RAD17: variants seen among roughly 807,000 people sequenced by gnomAD.
RAD17 encodes the protein cell cycle checkpoint protein RAD17.
Under a neutral mutation model 81.5 loss-of-function variants are expected in RAD17, and 31 were observed. The observed-to-expected ratio is 0.38, with a 90% CI of 0.29 to 0.51. The LOEUF (loss-of-function observed/expected upper bound fraction) is 0.51, where lower values mean the gene tolerates loss of function less well. Ranked by LOEUF, RAD17 falls within the 20% of genes least tolerant of loss-of-function variation. RAD17 has a pLI of 0.88. For missense variants in RAD17, 681 were observed against 781.2 expected (o/e 0.87, Z 1.53); for synonymous variants, 261 against 266.2 (o/e 0.98, Z 0.19).
At chr5:69,399,755 C>T (rs1765139057) in intron 16 of RAD17, among the ~76,000 whole-genome samples, 1 of 152,072 alleles carries the variant, frequency 6.6e-6, no homozygotes, top group Non-Finnish European at 1.5e-5. Context: ...TGTGTGTGCT[C>T]ATAAACAATT....
chr5:69,374,221 A>AT (rs1763200109), intron 5 of RAD17, 134 bp downstream of exon 5: 7 of 772,780 alleles, frequency 9.1e-6, no homozygotes, highest in African/African-American at 3.6e-5. Context: ...AAAATTCTGG[A>AT]TTTTTTTATT....
At chr5:69,391,095 G>A (rs902349012) in intron 12 of RAD17, among the ~76,000 whole-genome samples, 7 of 151,734 alleles carry the variant, frequency 4.6e-5, no homozygotes, top group East Asian at 1.9e-4. Context: ...AAATTTAGCC[G>A]GGCATACACC....
chr5:69,377,465 A>G (rs1225839706), intron 6 of RAD17, among the ~76,000 whole-genome samples: 4 of 6,244 alleles, frequency 6.4e-4, no homozygotes, highest in African/African-American at 8.9e-4. Flanking sequence ...ATATATATAT[A>G]TATATATATA....
At chr5:69,404,489 C>T (rs992010052) in intron 17 of RAD17, among the ~76,000 whole-genome samples, 2 of 151,320 alleles carry the variant, frequency 1.3e-5, no homozygotes, top group Admixed American at 6.6e-5. Context: ...TAAAATTGGC[C>T]GGGCACGGTG....
chr5:69,392,500 C>T (rs1396342868), intron 13 of RAD17, among the ~76,000 whole-genome samples: 2 of 152,128 alleles, frequency 1.3e-5, no homozygotes, highest in Admixed American at 6.6e-5. Context: ...TCTTTCACTC[C>T]CTATTGCCCA....
chr5:69,410,157 T>G (rs1765876994), intron 17 of RAD17, among the ~76,000 whole-genome samples: 1 of 152,236 alleles, frequency 6.6e-6, no homozygotes, highest in South Asian at 2.1e-4. Context: ...TTAATTATTT[T>G]GGGTATATAC....
At chr5:69,387,169 C>T in intron 11 of RAD17, among the ~76,000 whole-genome samples, 1 of 152,094 alleles carries the variant, frequency 6.6e-6, no homozygotes, top group Non-Finnish European at 1.5e-5. Context: ...AGTGATCCTC[C>T]CTCCTCGGCC....
chr5:69,401,991 A>G (rs1279754368), intron 17 of RAD17, among the ~76,000 whole-genome samples: 5 of 126,940 alleles, frequency 3.9e-5, no homozygotes, highest in South Asian at 3.1e-4. Context: ...GCAACAGAGC[A>G]AGACTCTGTC....
rs1185569975 is a variant in RAD17, at chr5:69,385,059, A to C, written c.645+126A>C. ...ATTGCAAGCTCTGCCTCCCAGGTTC[A>C]CGCCATTCTCCTGCCTCAGCCTCCG... is the stretch of plus-strand genomic sequence containing the variant. On this transcript the variant is annotated intron_variant, in intron 8 of 18. Transcript: ENST00000354868. 4 of 804,626 alleles carry C rather than the reference A, an allele frequency of 5.0e-6. No individual in the cohort carries two copies. In the South Asian group the frequency reaches 8.1e-5, roughly 16 times the overall value. The allele number at this position is 804,626 out of a possible 1,614,324, so 49.8% of individuals were successfully genotyped here. A position where few individuals can be genotyped will look rare whatever the true frequency, so the allele number is the denominator to read the frequency against.
intron 15 of RAD17, among the ~76,000 whole-genome samples, chr5:69,395,593 C>G (rs1240693462): frequency 1.3e-5 from 2 of 151,974 alleles, no homozygotes; most frequent in Non-Finnish European, 2.9e-5. Flanking sequence ...AATGGATACC[C>G]CATTTAACTT....
Position 69,372,996 on chromosome 5 carries a change from A to G in RAD17, c.9+779A>G, listed in dbSNP as rs576288533. Among the ~76,000 whole-genome samples, 7 of 152,318 alleles carry G rather than the reference A, an allele frequency of 4.6e-5. No homozygotes were observed. In the South Asian group the frequency reaches 1.2e-3, roughly 27 times the overall value. On this transcript the variant is annotated intron_variant, in intron 4 of 18. Coordinates refer to ENST00000354868, the MANE Select transcript of RAD17 (RefSeq NM_133338.3). ...ATTAGTTGCTTCATACACTGAAGAA[A>G]AATATAATCCAGTCATAATTACAGA...
chr5:69,398,658 T>G (rs1186838700), intron 16 of RAD17, among the ~76,000 whole-genome samples: 2 of 151,018 alleles, frequency 1.3e-5, no homozygotes, highest in African/African-American at 4.9e-5. Flanking sequence ...ATACAAAAGT[T>G]TGCCAGGTGT....
chr5:69,413,112 T>C (rs370985573), intron 18 of RAD17, among the ~76,000 whole-genome samples: 9 of 152,312 alleles, frequency 5.9e-5, no homozygotes, highest in Middle Eastern at 3.4e-3. Flanking sequence ...GTGCCCATTT[T>C]TCTATTTCAT....
At position 69,410,700 on chromosome 5, in the gene RAD17, T is replaced by G; in HGVS notation, c.1751+150T>G. On this transcript the variant is annotated intron_variant, in intron 18 of 18. Coordinates refer to ENST00000354868, the MANE Select transcript of RAD17 (RefSeq NM_133338.3). ...ACATAATTGTATTGTAGACCCTTCC[T>G]TTTCTTAAATATAACAGCATATCTT... 5.9e-6 allele frequency: 4 copies of G among 682,054 alleles called. No homozygotes were observed. The South Asian group carries it at 7.8e-5, about 13-fold the overall frequency. The allele number at this position is 682,054 out of a possible 1,614,324, so 42.3% of individuals were successfully genotyped here. A position where few individuals can be genotyped will look rare whatever the true frequency, so the allele number is the denominator to read the frequency against.
chr5:69,369,799 G>C (rs566173780), upstream of RAD17: 1,169 of 1,298,318 alleles, frequency 9.0e-4, 7 homozygotes, highest in Non-Finnish European at 2.9e-4. Context: ...CGACCAGTCT[G>C]GAAGGTCCCC....
rs556421329 is a variant in RAD17 at position 69,386,224 on chromosome 5, C to G, written c.743C>G (p.Ser248Trp). ...CGATGTCCTCTTATATTTATAATCT[C>G]GGACAGTCTCAGTGGAGATAATAAT... ...IGRCPLIFII[S>W]DSLSGDNNQR... The change falls in exon 10 of 19, where the codon TCG becomes TGG. Residue 248 changes from serine to tryptophan, a missense_variant. Transcript: ENST00000354868. The G allele has an allele frequency of 6.2e-7, 1 of 1,608,064 alleles. No individual in the cohort carries two copies. The highest frequency in any genetic ancestry group is 1.3e-5 in the African/African-American group (1 of 74,924).
At chr5:69,384,305 TAGGTC>T (rs1415821144) in intron 7 of RAD17, 3 of 153,050 alleles carry the variant, frequency 2.0e-5, no homozygotes, top group African/African-American at 7.2e-5. Flanking sequence ...GCTGTGTTCT[TAGGTC>T]AGTTAACTCC....
chr5:69,408,174 G>A (rs1765747106), intron 17 of RAD17, among the ~76,000 whole-genome samples: 1 of 151,180 alleles, frequency 6.6e-6, no homozygotes, highest in African/African-American at 2.4e-5. Flanking sequence ...ACACTTTCCT[G>A]TTTCTTTACA....
At chr5:69,387,784 G>C (rs1053565516) in intron 11 of RAD17, among the ~76,000 whole-genome samples, 3 of 152,222 alleles carry the variant, frequency 2.0e-5, no homozygotes, top group Admixed American at 1.3e-4. Flanking sequence ...TTGAACCCAG[G>C]GGGTGGAGGT....
Sources: gnomAD v4.1 joint callset for allele counts (sites outside exome capture counted in the v4.1 genomes callset) on GRCh38, gnomAD v4.1.1 for gene constraint, MANE v1.5 for transcripts, NCBI Gene and HGNC (gene_info 2026-07-23, HGNC 2026-07-21) for gene names.